Variants in HIPK2 observed in about 807,000 individuals in gnomAD.
The protein encoded by HIPK2 is homeodomain interacting protein kinase 2.
Under a neutral mutation model 113.7 loss-of-function variants are expected in HIPK2, and 27 were observed. That is an observed-to-expected ratio of 0.24 (90% CI 0.17 to 0.33). The LOEUF (loss-of-function observed/expected upper bound fraction) is 0.33, where lower values mean the gene tolerates loss of function less well. HIPK2 is among the 10% of genes least tolerant of loss of function. The pLI, the probability that HIPK2 is intolerant of heterozygous loss-of-function variation, is 1.00. For missense variants in HIPK2, 1,257 were observed against 1,588.0 expected (o/e 0.79, Z 3.54); for synonymous variants, 631 against 642.2 (o/e 0.98, Z 0.26).
chr7:139,638,940 GC>G (rs922474062), intron 2 of HIPK2, among the ~76,000 whole-genome samples: 3 of 152,198 alleles, frequency 2.0e-5, no homozygotes, highest in Admixed American at 2.0e-4. Flanking sequence ...ACAGGCGTGA[GC>G]CACCACGCCC....
intron 5 of HIPK2, 86 bp downstream of exon 5, chr7:139,628,867 A>G: frequency 8.6e-7 from 1 of 1,158,458 alleles, no homozygotes; most frequent in Non-Finnish European, 1.2e-6. Flanking sequence ...GTGGATTTCA[A>G]CCCATTATCT....
chr7:139,765,908 T>C (rs1401292946), intron 1 of HIPK2, among the ~76,000 whole-genome samples: 3 of 152,360 alleles, frequency 2.0e-5, no homozygotes, highest in Middle Eastern at 3.4e-3. Context: ...TTATGGTCCA[T>C]GCCTAACCTA....
At chr7:139,582,901 G>A (rs762736403) in intron 13 of HIPK2, among the ~76,000 whole-genome samples, 4 of 152,208 alleles carry the variant, frequency 2.6e-5, no homozygotes, top group African/African-American at 4.8e-5. Context: ...TGGGGCCTGC[G>A]CCCACTGGGT....
At chr7:139,758,008 A>G (rs1796389611) in intron 1 of HIPK2, among the ~76,000 whole-genome samples, 1 of 152,250 alleles carries the variant, frequency 6.6e-6, no homozygotes, top group Admixed American at 6.5e-5. Flanking sequence ...TACACACAAA[A>G]AAAGAACACA....
At chr7:139,648,198 AAAC>A (rs1304032101) in intron 2 of HIPK2, among the ~76,000 whole-genome samples, 1 of 152,220 alleles carries the variant, frequency 6.6e-6, no homozygotes, top group African/African-American at 2.4e-5. Context: ...TCAAAAAACA[AAAC>A]AACCCCACAT....
chr7:139,774,600 T>C (rs1046227594), intron 1 of HIPK2, among the ~76,000 whole-genome samples: 2 of 152,212 alleles, frequency 1.3e-5, no homozygotes, highest in Non-Finnish European at 2.9e-5. Context: ...TGATGATGAA[T>C]TGCAGCAGAC....
rs552041664 is a variant in HIPK2, at chr7:139,714,959, G to T, written c.1103+973C>A. On this transcript the variant is annotated intron_variant, in intron 2 of 14. Coordinates refer to ENST00000406875, the MANE Select transcript of HIPK2 (RefSeq NM_022740.5). This position sits in a 1 kb window ranked among gnomAD's most constrained non-coding sequence, Gnocchi z 4.2. ...TGAGAGGATTTCTCCCACTTCATGG[G>T]TTAGGAAATGAAGGCATGGAGAAAT... Among the ~76,000 whole-genome samples the T allele has an allele frequency of 2.0e-5, 3 of 152,176 alleles. No homozygotes were observed. The highest frequency in any genetic ancestry group is 7.2e-5 in the African/African-American group (3 of 41,442).
intron 1 of HIPK2, among the ~76,000 whole-genome samples, chr7:139,764,875 C>T (rs904393183): frequency 1.2e-4 from 19 of 152,146 alleles, no homozygotes; most frequent in Admixed American, 1.0e-3. Context: ...GTGGCTCACG[C>T]CTGTAATCCC....
chr7:139,748,203 C>G (rs919702141), intron 1 of HIPK2, among the ~76,000 whole-genome samples: 12 of 152,206 alleles, frequency 7.9e-5, no homozygotes, highest in African/African-American at 2.9e-4. Flanking sequence ...AGCCGCTTCT[C>G]TGCTTTCTAT....
intron 1 of HIPK2, among the ~76,000 whole-genome samples, chr7:139,768,111 T>G (rs902385816): frequency 1.3e-5 from 2 of 152,220 alleles, no homozygotes; most frequent in Non-Finnish European, 2.9e-5. Flanking sequence ...TGGTCGCAGC[T>G]TGGACACACA....
rs1466293145 is a variant in HIPK2 at position 139,714,251 on chromosome 7, C to T, written c.1103+1681G>A. On this transcript the variant is annotated intron_variant, in intron 2 of 14. Coordinates refer to ENST00000406875, the MANE Select transcript of HIPK2 (RefSeq NM_022740.5). This position sits in a 1 kb window ranked among gnomAD's most constrained non-coding sequence, Gnocchi z 4.2. Reference sequence around the variant, plus strand: ...GAGAGCTGTTCTAACTCAGGAAATGCCTCCTAAAGGGAAGAGGGAAGAGAC... The same window carrying T: ...GAGAGCTGTTCTAACTCAGGAAATGTCTCCTAAAGGGAAGAGGGAAGAGAC... Among the ~76,000 whole-genome samples the T allele has an allele frequency of 6.6e-6, 1 of 152,180 alleles. No individual in the cohort carries two copies. The highest frequency in any genetic ancestry group is 1.5e-5 in the Non-Finnish European group (1 of 68,032).
intron 13 of HIPK2, 152 bp from the exon 14 acceptor site, chr7:139,575,440 G>T: frequency 2.3e-6 from 1 of 429,238 alleles, no homozygotes; most frequent in Non-Finnish European, 3.1e-6. Context: ...GGACCCACTA[G>T]GACTTTGCCT....
At chr7:139,639,924 G>A (rs1393630612) in intron 2 of HIPK2, among the ~76,000 whole-genome samples, 2 of 151,864 alleles carry the variant, frequency 1.3e-5, no homozygotes, top group African/African-American at 2.4e-5. Flanking sequence ...ATCACATGTC[G>A]GTTGCTTCCA....
intron 2 of HIPK2, among the ~76,000 whole-genome samples, chr7:139,665,637 C>T (rs570201796): frequency 1.3e-5 from 2 of 152,180 alleles, no homozygotes; most frequent in African/African-American, 4.8e-5. Context: ...AATTTTTATT[C>T]TACTACTCAC....
chr7:139,719,962 CA>C (rs1308962897), intron 1 of HIPK2, among the ~76,000 whole-genome samples: 16 of 152,316 alleles, frequency 1.1e-4, no homozygotes, highest in Admixed American at 7.8e-4. Context: ...CTCCCCTCTC[CA>C]AACTTCCACT....
chr7:139,589,506 T>G lies in HIPK2; in HGVS notation c.2718-5442A>C, dbSNP rs568709078. The stretch of plus-strand genomic sequence containing the variant: ...TCAAATTGGGCATATTTGGAGCTCT[T>G]CACTCAAATGTGGAAATTGTGGAGA... On this transcript the variant is annotated intron_variant, in intron 12 of 14. Coordinates refer to ENST00000406875, the MANE Select transcript of HIPK2 (RefSeq NM_022740.5). Among the ~76,000 whole-genome samples the G allele has an allele frequency of 4.6e-5, 7 of 152,306 alleles. No individual in the cohort carries two copies. The South Asian group carries it at 1.5e-3, about 32-fold the overall frequency.
intron 2 of HIPK2, among the ~76,000 whole-genome samples, chr7:139,652,880 C>T (rs1801513445): frequency 1.3e-5 from 2 of 152,082 alleles, no homozygotes; most frequent in Non-Finnish European, 2.9e-5. Context: ...CGGTGGCTCA[C>T]GCCTGTAATC....
chr7:139,573,592 A>G (rs1798386127), intron 14 of HIPK2, among the ~76,000 whole-genome samples, 195 bp from the exon 15 acceptor site: 1 of 152,140 alleles, frequency 6.6e-6, no homozygotes, highest in African/African-American at 2.4e-5. Context: ...CTGTAATCTC[A>G]GCACTTTGGG....
At chr7:139,757,199 C>T (rs1403490745) in intron 1 of HIPK2, among the ~76,000 whole-genome samples, 4 of 152,204 alleles carry the variant, frequency 2.6e-5, no homozygotes, top group Admixed American at 2.0e-4. Flanking sequence ...TTGACCAGCA[C>T]AAACCACATA....
Sources: allele counts gnomAD v4.1 joint callset (sites outside exome capture counted in the v4.1 genomes callset), GRCh38; gene constraint gnomAD v4.1.1; non-coding constraint Gnocchi (gnomAD v3.1); transcripts MANE v1.5; gene names NCBI Gene and HGNC (gene_info 2026-07-23, HGNC 2026-07-21).